The following SYT7 variants were observed in gnomAD, a reference collection of about 807,000 sequenced individuals.
SYT7 encodes the protein synaptotagmin 7, also known as synaptotagmin-7.
Under a neutral mutation model 75.1 loss-of-function variants are expected in SYT7, and 29 were observed. The observed-to-expected ratio is 0.39, with a 90% CI of 0.29 to 0.53. The LOEUF is 0.53. SYT7 is among the 20% of genes least tolerant of loss of function. The pLI is 0.77. For synonymous variants in SYT7, 376 were observed against 401.7 expected (o/e 0.94, Z 0.76); for missense variants, 693 against 953.2 (o/e 0.73, Z 3.59).
chr11:61,580,836 G>T lies in SYT7; in HGVS notation c.-16C>A. 8.0e-7 allele frequency: 1 copy of T among 1,256,000 alleles called. No individual in the cohort carries two copies. Among genetic ancestry groups the T allele is most frequent in the Non-Finnish European group, 1.0e-6 (1 of 998,058 alleles). The allele number at this position is 1,256,000 out of a possible 1,614,324, so 77.8% of individuals were successfully genotyped here. ...CCCGGTACATGGTCCCCTCGTCGCC[G>T]GTTCCCTCCGGGCTCCTCAGAGCCG... On this transcript the variant is annotated 5_prime_UTR_variant, in exon 1 of 13. Transcript: ENST00000539008. The surrounding 1 kb of genome is among the most constrained non-coding windows in gnomAD (Gnocchi z 6.1).
chr11:61,517,131 G>T lies in SYT7; in HGVS notation c.*1496C>A, dbSNP rs1353024355. On this transcript the variant is annotated 3_prime_UTR_variant, in exon 13 of 13. Coordinates refer to ENST00000539008, the MANE Select transcript of SYT7 (RefSeq NM_001365809.2). ...CCTGGCGGTAGTTCTGGGAATGTCAGGCCCAGGCTCGTGGACCCCCAGGAT... is the reference window on the plus strand; with the variant it reads ...CCTGGCGGTAGTTCTGGGAATGTCATGCCCAGGCTCGTGGACCCCCAGGAT... 2 of 396,950 alleles carry T rather than the reference G, an allele frequency of 5.0e-6. No homozygotes were observed. The highest frequency in any genetic ancestry group is 8.9e-6 in the Non-Finnish European group (2 of 225,544). The allele number at this position is 396,950 out of a possible 1,614,324, so 24.6% of individuals were successfully genotyped here. A position where few individuals can be genotyped will look rare whatever the true frequency, so the allele number is the denominator to read the frequency against.
rs370773931 is a variant in SYT7 at position 61,523,952 on chromosome 11, C to T, written c.1642-11G>A. 1.1e-5 allele frequency: 18 copies of T among 1,612,438 alleles called. No homozygotes were observed. Among genetic ancestry groups the T allele is most frequent in the African/African-American group, 9.4e-5 (7 of 74,826 alleles). On this transcript the variant is annotated splice_polypyrimidine_tract_variant and intron_variant, in intron 10 of 12. Coordinates refer to ENST00000539008, the MANE Select transcript of SYT7 (RefSeq NM_001365809.2). The surrounding 1 kb of genome is among the most constrained non-coding windows in gnomAD (Gnocchi z 5.0). ...CTCCCCTCGGCTCCCCTGGGAGGCA[C>T]GACAGGAGGGGTGTGGGGAACTAGG... is the stretch of plus-strand genomic sequence containing the variant.
intron 2 of SYT7, among the ~76,000 whole-genome samples, chr11:61,552,304 C>T (rs1019739122): frequency 1.3e-5 from 2 of 152,116 alleles, no homozygotes; most frequent in African/African-American, 4.8e-5. Flanking sequence ...TGGCTGCCAC[C>T]AAGCGTCCTC....
chr11:61,580,892 G>A lies in SYT7; in HGVS notation c.-72C>T, dbSNP rs537374363. 2.2e-3 allele frequency: 2,489 copies of A among 1,127,676 alleles called. 28 individuals are homozygous for A. In the South Asian group the frequency reaches 0.037, roughly 17 times the overall value. The allele number at this position is 1,127,676 out of a possible 1,614,324, so 69.9% of individuals were successfully genotyped here. On this transcript the variant is annotated 5_prime_UTR_variant, in exon 1 of 13. Coordinates refer to ENST00000539008, the MANE Select transcript of SYT7 (RefSeq NM_001365809.2). The surrounding 1 kb of genome is among the most constrained non-coding windows in gnomAD (Gnocchi z 6.1). Reference sequence around the variant, plus strand: ...GGCCGCGCGCTGCTCCGCCGCCGCCGCTGGGCATGGGGCCGGGCGACCCCC... The same window carrying A: ...GGCCGCGCGCTGCTCCGCCGCCGCCACTGGGCATGGGGCCGGGCGACCCCC...
At chr11:61,527,361 G>A (rs968496855) in intron 9 of SYT7, among the ~76,000 whole-genome samples, 8 of 152,196 alleles carry the variant, frequency 5.3e-5, no homozygotes, top group African/African-American at 1.9e-4. Context: ...TGTAGATGAG[G>A]AAACCAAGTC....
intron 9 of SYT7, chr11:61,525,659 G>A (rs1042952162): frequency 3.3e-5 from 5 of 151,938 alleles, no homozygotes; most frequent in Admixed American, 6.6e-5. Context: ...TGGCTCTCCC[G>A]GAAGGCAAGG....
chr11:61,541,135 ACAGGATGCTC>A lies in SYT7; in HGVS notation c.941+1066_941+1075del, dbSNP rs1182613459. On this transcript the variant is annotated intron_variant, in intron 6 of 12. Coordinates refer to ENST00000539008, the MANE Select transcript of SYT7 (RefSeq NM_001365809.2). ...CCCTGGCTGAGGTCTCAGAGGAGAG[ACAGGATGCTC>A]CGAGGAACTTGCTTGCCTTCAGAAT... The A allele has an allele frequency of 8.1e-6, 8 of 985,470 alleles. No individual in the cohort carries two copies. The African/African-American group carries it at 1.4e-4, about 17-fold the overall frequency. 61.0% of individuals were successfully genotyped at this position (985,470 alleles called of 1,614,324 possible). A position where few individuals can be genotyped will look rare whatever the true frequency, so the allele number is the denominator to read the frequency against.
chr11:61,572,185 G>T (rs1285500803), intron 1 of SYT7, among the ~76,000 whole-genome samples: 1 of 152,190 alleles, frequency 6.6e-6, no homozygotes, highest in Admixed American at 6.5e-5. Flanking sequence ...GGGAGAGAGG[G>T]GTTCCTCCCC....
chr11:61,528,700 G>A (rs1196747282), intron 8 of SYT7, among the ~76,000 whole-genome samples: 1 of 152,160 alleles, frequency 6.6e-6, no homozygotes, highest in Non-Finnish European at 1.5e-5. Context: ...GCGGAGAATG[G>A]TGTGATTTAC....
Position 61,518,443 on chromosome 11 carries a change from TG to T in SYT7, c.*183del. 1 of 453,786 alleles carries T rather than the reference TG, an allele frequency of 2.2e-6. No individual in the cohort carries two copies. The highest frequency in any genetic ancestry group is 3.9e-6 in the Non-Finnish European group (1 of 255,448). 28.1% of individuals were successfully genotyped at this position (453,786 alleles called of 1,614,324 possible). ...GAGCCCCTTCCCCGGAGCTGGACTG[TG>T]GGGGATGGGGCTGGTACTTCCTAGA... On this transcript the variant is annotated 3_prime_UTR_variant, in exon 13 of 13. Transcript: ENST00000539008.
At chr11:61,570,051 C>G (rs552809190) in intron 1 of SYT7, among the ~76,000 whole-genome samples, 2 of 152,266 alleles carry the variant, frequency 1.3e-5, no homozygotes, top group Non-Finnish European at 2.9e-5. Flanking sequence ...CTGGGCCACA[C>G]AGCAACACGA....
rs1034317556 is a variant in SYT7, at chr11:61,576,654, G to T, written c.31+4136C>A. On this transcript the variant is annotated intron_variant, in intron 1 of 12. Coordinates refer to ENST00000539008, the MANE Select transcript of SYT7 (RefSeq NM_001365809.2). The surrounding 1 kb of genome is among the most constrained non-coding windows in gnomAD (Gnocchi z 4.1). Reference sequence around the variant, plus strand: ...CCTGGGGGAACCAGTTATTGAAAACGAAAACGGTCCATCAGATTCAATAAG... The same window carrying T: ...CCTGGGGGAACCAGTTATTGAAAACTAAAACGGTCCATCAGATTCAATAAG... Among the ~76,000 whole-genome samples the T allele has an allele frequency of 7.6e-6, 1 of 131,666 alleles. No individual in the cohort carries two copies. The highest frequency in any genetic ancestry group is 2.5e-4 in the South Asian group (1 of 4,002). The allele number at this position is 131,666 out of a possible 152,430, so 86.4% of individuals were successfully genotyped here.
intron 1 of SYT7, among the ~76,000 whole-genome samples, chr11:61,571,709 G>C (rs548840069): frequency 5.3e-5 from 8 of 152,230 alleles, no homozygotes; most frequent in Non-Finnish European, 1.2e-4. Flanking sequence ...GCCAACCTGG[G>C]GGTGGAGAGG....
Position 61,551,107 on chromosome 11 carries a change from G to A in SYT7, c.215+277C>T, listed in dbSNP as rs1373506800. On this transcript the variant is annotated intron_variant, in intron 3 of 12. Transcript: ENST00000539008. The surrounding 1 kb of genome is among the most constrained non-coding windows in gnomAD (Gnocchi z 5.3). ...TGATAGGAGGGTGGGATGAGAAAGCGGCAACCAGGGTTGAGGTGGGCGCAG... is the reference window on the plus strand; with the variant it reads ...TGATAGGAGGGTGGGATGAGAAAGCAGCAACCAGGGTTGAGGTGGGCGCAG... Among the ~76,000 whole-genome samples the A allele has an allele frequency of 6.6e-6, 1 of 152,112 alleles. No homozygotes were observed. Among genetic ancestry groups the A allele is most frequent in the African/African-American group, 2.4e-5 (1 of 41,416 alleles).
chr11:61,567,486 A>G (rs1407789886), intron 1 of SYT7, among the ~76,000 whole-genome samples: 1 of 152,104 alleles, frequency 6.6e-6, no homozygotes, highest in Non-Finnish European at 1.5e-5. Flanking sequence ...GATCCGAGAG[A>G]CTGTGCATAG....
At chr11:61,559,557 G>T (rs1303395863) in intron 1 of SYT7, among the ~76,000 whole-genome samples, 4 of 152,088 alleles carry the variant, frequency 2.6e-5, no homozygotes, top group Non-Finnish European at 5.9e-5. Flanking sequence ...TCATGATCTG[G>T]TAGCTACAGT....
intron 2 of SYT7, among the ~76,000 whole-genome samples, chr11:61,555,197 C>T (rs900187646): frequency 6.6e-6 from 1 of 152,252 alleles, no homozygotes; most frequent in Non-Finnish European, 1.5e-5. Context: ...CCTGCTCCCA[C>T]TCCCACCATT....
At chr11:61,555,618 G>A (rs898711542) in intron 2 of SYT7, among the ~76,000 whole-genome samples, 3 of 152,182 alleles carry the variant, frequency 2.0e-5, no homozygotes, top group Admixed American at 6.5e-5. Flanking sequence ...ATGGATGTGC[G>A]GGGGTGGGGC....
intron 1 of SYT7, among the ~76,000 whole-genome samples, chr11:61,562,981 G>A (rs971127214): frequency 6.6e-6 from 1 of 152,154 alleles, no homozygotes; most frequent in Non-Finnish European, 1.5e-5. Flanking sequence ...TGCCCAGAGG[G>A]GAACGGGAGG....
Sources: allele counts gnomAD v4.1 joint callset (sites outside exome capture counted in the v4.1 genomes callset), GRCh38; gene constraint gnomAD v4.1.1; non-coding constraint Gnocchi (gnomAD v3.1); transcripts MANE v1.5; gene names NCBI Gene and HGNC (gene_info 2026-07-23, HGNC 2026-07-21).